LAMC3: variants seen among roughly 807,000 people sequenced by gnomAD.
LAMC3 encodes laminin subunit gamma 3, also known as laminin subunit gamma-3.
In LAMC3, 128 loss-of-function variants were observed where a neutral mutation model predicts 173.8. The observed-to-expected ratio is 0.74, with a 90% confidence interval of 0.64 to 0.85. LAMC3 has a LOEUF of 0.85. LAMC3 is among the 40% of genes least tolerant of loss of function. LAMC3 has a pLI of 0.00. For missense variants in LAMC3, 2,022 were observed against 2,156.0 expected (o/e 0.94, Z 1.23); for synonymous variants, 897 against 909.1 (o/e 0.99, Z 0.24).
intron 27 of LAMC3, among the ~76,000 whole-genome samples, chr9:131,089,447 G>A (rs1830385767): frequency 6.6e-6 from 1 of 152,008 alleles, no homozygotes; most frequent in African/African-American, 2.4e-5. Context: ...GTGCAGTCGT[G>A]GCTCACTGCA....
chr9:131,043,721 C>T (rs982896597), intron 7 of LAMC3, among the ~76,000 whole-genome samples: 1 of 152,200 alleles, frequency 6.6e-6, no homozygotes, highest in African/African-American at 2.4e-5. Flanking sequence ...AATGAAGGAA[C>T]TGGAAAACCA....
chr9:131,044,439 G>A (rs933353156), intron 7 of LAMC3, among the ~76,000 whole-genome samples: 4 of 152,146 alleles, frequency 2.6e-5, no homozygotes, highest in Non-Finnish European at 4.4e-5. Context: ...GAACCCGGGA[G>A]ACAGAGGTTA....
chr9:131,049,960 C>A (rs1305455180), intron 9 of LAMC3, among the ~76,000 whole-genome samples: 1 of 152,242 alleles, frequency 6.6e-6, no homozygotes, highest in Non-Finnish European at 1.5e-5. Context: ...GCACCCCCGA[C>A]CAGCTCTGCC....
At chr9:131,065,597 G>T (rs1829917433) in intron 13 of LAMC3, among the ~76,000 whole-genome samples, 1 of 152,188 alleles carries the variant, frequency 6.6e-6, no homozygotes, top group African/African-American at 2.4e-5. Flanking sequence ...TGATCAAAAT[G>T]ATGACAATGA....
Position 131,073,289 on chromosome 9 carries a change from C to T in LAMC3, c.3462C>T (p.His1154=). 1 of 1,613,930 alleles carries T rather than the reference C, an allele frequency of 6.2e-7. No homozygotes were observed. The highest frequency in any genetic ancestry group is 8.5e-7 in the Non-Finnish European group (1 of 1,179,998). ...EGPSQPTKWS[H]LATEARALAR... ...CCAGTCAGCCGACCAAATGGAGCCACCTGGCCACAGAGGCCCGTGCCCTCG... is the reference window on the plus strand; with the variant it reads ...CCAGTCAGCCGACCAAATGGAGCCATCTGGCCACAGAGGCCCGTGCCCTCG... The change falls in exon 20 of 28, where the codon CAC becomes CAT. Residue 1154 remains histidine (H), a synonymous_variant. Transcript: ENST00000361069.
chr9:131,084,322 C>T (rs1258850961), intron 24 of LAMC3, among the ~76,000 whole-genome samples: 3 of 151,950 alleles, frequency 2.0e-5, no homozygotes, highest in Non-Finnish European at 4.4e-5. Flanking sequence ...GTGATCCTTC[C>T]ACCTCAGTCT....
At chr9:131,056,534 C>G (rs1000867062) in intron 11 of LAMC3, among the ~76,000 whole-genome samples, 1 of 149,530 alleles carries the variant, frequency 6.7e-6, no homozygotes, top group African/African-American at 2.5e-5. Context: ...GTGGCTCACA[C>G]ATGCAATCCC....
At chr9:131,068,692 C>A (rs1829986300) in intron 15 of LAMC3, among the ~76,000 whole-genome samples, 1 of 152,146 alleles carries the variant, frequency 6.6e-6, no homozygotes, top group Non-Finnish European at 1.5e-5. Context: ...CACGTTTGTC[C>A]CCATAGCCTT....
intron 11 of LAMC3, 76 bp downstream of exon 11, chr9:131,053,041 C>T: frequency 9.1e-7 from 1 of 1,098,686 alleles, no homozygotes; most frequent in Non-Finnish European, 1.4e-6. Context: ...CCGGCGGTCA[C>T]AGTCTTGTCA....
rs1305349385 is a variant in LAMC3, at chr9:131,091,778, C to G, written c.4719C>G (p.Ser1573Arg). ...ILHSLPENCASWQ is the reference protein window; with the variant it reads ...ILHSLPENCARWQ ...ACAGCCTGCCCGAGAACTGTGCCAG[C>G]TGGCAGTGAGGGCTGCCCAGATCCC... Residue 1573 changes from serine to arginine, a missense_variant, in exon 28 of 28, where the codon AGC (serine) becomes AGG (arginine). Coordinates refer to ENST00000361069, the MANE Select transcript of LAMC3 (RefSeq NM_006059.4). The G allele has an allele frequency of 1.9e-6, 3 of 1,612,614 alleles. No homozygotes were observed. The South Asian group carries it at 3.3e-5, about 18-fold the overall frequency.
intron 17 of LAMC3, among the ~76,000 whole-genome samples, chr9:131,070,203 C>T (rs1830015272): frequency 6.6e-6 from 1 of 152,226 alleles, no homozygotes; most frequent in Non-Finnish European, 1.5e-5. Context: ...GGGAAGGTGG[C>T]TGGTGCAGAA....
At chr9:131,012,086 C>CACACACAT (rs1392030648) in intron 1 of LAMC3, among the ~76,000 whole-genome samples, 1 of 151,936 alleles carries the variant, frequency 6.6e-6, no homozygotes, top group Non-Finnish European at 1.5e-5. Flanking sequence ...CACACACACA[C>CACACACAT]ACACACTCCC....
intron 7 of LAMC3, among the ~76,000 whole-genome samples, chr9:131,043,778 T>C (rs540783281): frequency 6.6e-6 from 1 of 152,338 alleles, no homozygotes; most frequent in Admixed American, 6.5e-5. Flanking sequence ...GAGCTGCCGA[T>C]GAATGCTGAC....
At position 131,085,658 on chromosome 9, in the gene LAMC3, C is replaced by T. The variant is rs770428385; in HGVS notation, c.4165C>T (p.Pro1389Ser). Residue 1389 changes from proline to serine, a missense_variant, in exon 25 of 28, where the codon CCT becomes TCT. By Grantham distance (74) the Pro-to-Ser change is moderately conservative. Coordinates refer to ENST00000361069, the MANE Select transcript of LAMC3 (RefSeq NM_006059.4). ...QAERMLGNAA[P>S]LSSSAKKKGR... ...GGAGAGGATGCTGGGAAACGCGGCC[C>T]CTCTTTCCTCCAGTGCCAAGAAGAA... 3.4e-5 allele frequency: 55 copies of T among 1,614,022 alleles called. No individual in the cohort carries two copies. The highest frequency in any genetic ancestry group is 4.3e-5 in the Non-Finnish European group (51 of 1,180,036).
chr9:131,082,764 G>A (rs976670661), intron 24 of LAMC3, among the ~76,000 whole-genome samples: 3 of 152,316 alleles, frequency 2.0e-5, no homozygotes, highest in Admixed American at 2.0e-4. Flanking sequence ...CCCTTTGTTT[G>A]TGGCTCCTTA....
intron 9 of LAMC3, among the ~76,000 whole-genome samples, 165 bp downstream of exon 9, chr9:131,049,295 G>A (rs1834238118): frequency 6.6e-6 from 1 of 152,178 alleles, no homozygotes; most frequent in Non-Finnish European, 1.5e-5. Flanking sequence ...TGTCAGCAGG[G>A]CTGAGTTCCT....
intron 7 of LAMC3, among the ~76,000 whole-genome samples, chr9:131,044,627 AG>A (rs1233376426): frequency 6.6e-6 from 1 of 152,208 alleles, no homozygotes; most frequent in South Asian, 2.1e-4. Context: ...AGGTGATGAA[AG>A]TCAGCATCGC....
At position 131,009,318 on chromosome 9, in the gene LAMC3, G is replaced by T; in HGVS notation, c.104G>T (p.Cys35Phe). The T allele has an allele frequency of 6.8e-7, 1 of 1,473,314 alleles. No homozygotes were observed. The allele number at this position is 1,473,314 out of a possible 1,614,324, so 91.3% of individuals were successfully genotyped here. The part of the protein sequence containing the change: ...CYDGAGRPQR[C>F]LPVFENAAFG... ...GACGGCGCAGGGCGCCCGCAGCGCT[G>T]CCTGCCGGTGTTCGAGAACGCGGCG... Residue 35 changes from cysteine (C) to phenylalanine (F), a missense_variant, in exon 1 of 28, where the codon TGC becomes TTC. Transcript: ENST00000361069. This position sits in a 1 kb window ranked among gnomAD's most constrained non-coding sequence, Gnocchi z 4.3.
intron 3 of LAMC3, among the ~76,000 whole-genome samples, chr9:131,032,561 T>TCTCTCTTGCTCTCTCTCGCTCG (rs1833853183): frequency 1.5e-5 from 2 of 133,212 alleles, no homozygotes; most frequent in Non-Finnish European, 3.0e-5. Flanking sequence ...TCTCTCGCTC[T>TCTCTCTTGCTCTCTCTCGCTCG]CTCTCTTGCT....
Sources: allele counts gnomAD v4.1 joint callset (sites outside exome capture counted in the v4.1 genomes callset), GRCh38; gene constraint gnomAD v4.1.1; non-coding constraint Gnocchi (gnomAD v3.1); transcripts MANE v1.5; gene names NCBI Gene and HGNC (gene_info 2026-07-23, HGNC 2026-07-21).